COP1: variants seen among roughly 807,000 people sequenced by gnomAD.
COP1 encodes COP1 E3 ubiquitin ligase, also known as E3 ubiquitin-protein ligase COP1.
A neutral mutation model predicts 101.3 loss-of-function variants in COP1; 24 were observed. The ratio of observed to expected loss-of-function variants is 0.24; its 90% CI spans 0.17 to 0.33. COP1 has a LOEUF of 0.33. COP1 is among the 10% of genes least tolerant of loss of function. The probability of loss-of-function intolerance (pLI) is 1.00; values close to 1 mark genes in which losing one functional copy is unlikely to be tolerated. For synonymous variants in COP1, 347 were observed against 341.9 expected, an observed-to-expected ratio of 1.01 and a Z score of -0.17; for missense variants, 663 against 906.2, an observed-to-expected ratio of 0.73 and a Z score of 3.45.
intron 11 of COP1, among the ~76,000 whole-genome samples, chr1:176,051,188 T>A (rs1310149943): frequency 2.0e-5 from 3 of 152,150 alleles, no homozygotes; most frequent in Non-Finnish European, 4.4e-5. Flanking sequence ...TTATTGGGGC[T>A]CATTCGAAGA....
intron 8 of COP1, among the ~76,000 whole-genome samples, chr1:176,117,199 G>A (rs544540502): frequency 6.6e-6 from 1 of 152,052 alleles, no homozygotes; most frequent in Non-Finnish European, 1.5e-5. Context: ...GTCCCTCCCA[G>A]CTTCAAAATA....
At chr1:175,953,649 C>G (rs1031642205) in intron 18 of COP1, among the ~76,000 whole-genome samples, 2 of 151,356 alleles carry the variant, frequency 1.3e-5, no homozygotes, top group East Asian at 3.9e-4. Flanking sequence ...ATACACCACG[C>G]AAACATTAAT....
intron 19 of COP1, among the ~76,000 whole-genome samples, chr1:175,945,764 T>C (rs984473191): frequency 2.0e-5 from 3 of 152,238 alleles, no homozygotes; most frequent in Non-Finnish European, 2.9e-5. Context: ...AGGATAGTTA[T>C]GAGACACTGT....
At position 176,196,949 on chromosome 1, in the gene COP1, G is replaced by T. The variant is rs149955968; in HGVS notation, c.407+9623C>A. 9.5e-4 allele frequency among the ~76,000 whole-genome samples: 144 copies of T among 151,510 alleles called. 1 individual carries two copies. Among genetic ancestry groups the T allele is most frequent in the African/African-American group, 3.4e-3 (142 of 41,298 alleles). ...AAAGAGTGAAACCAGCAGGAGGGAG[G>T]GAGGGAGGGAAAGAAAAAGTGAAAC... is the stretch of plus-strand genomic sequence containing the variant. On this transcript the variant is annotated intron_variant, in intron 1 of 19. Transcript: ENST00000367669.
Position 176,176,016 on chromosome 1 carries a change from AGGGGGGG to A in COP1, c.468-16_468-10del. On this transcript the variant is annotated splice_polypyrimidine_tract_variant and intron_variant, in intron 2 of 19. Transcript: ENST00000367669. ...GATGAATACACTTGTAGCTATTAGTAGGGGGGGAAAAAAAAGGCTTAATTAAATCAAT... is the reference window on the plus strand; with the variant it reads ...GATGAATACACTTGTAGCTATTAGTAAAAAAAAAGGCTTAATTAAATCAAT... The A allele has an allele frequency of 1.5e-6, 2 of 1,354,192 alleles. No individual in the cohort carries two copies. The highest frequency in any genetic ancestry group is 1.9e-5 in the Admixed American group (1 of 52,324). 83.9% of individuals were successfully genotyped at this position (1,354,192 alleles called of 1,614,324 possible).
chr1:176,143,859 T>A (rs1440088017), intron 6 of COP1, among the ~76,000 whole-genome samples: 1 of 152,162 alleles, frequency 6.6e-6, no homozygotes, highest in Admixed American at 6.5e-5. Flanking sequence ...GGAAAAATCA[T>A]ATGGTTGCAT....
chr1:176,179,577 T>G lies in COP1; in HGVS notation c.468-3570A>C, dbSNP rs916829172. Among the ~76,000 whole-genome samples the G allele has an allele frequency of 7.9e-5, 12 of 151,704 alleles. No individual in the cohort carries two copies. In the East Asian group the frequency reaches 2.0e-3, roughly 25 times the overall value. ...GGTGAAACCCCAACTCTAAAAAAAT[T>G]TTAAAAATTAGCCATGCATGGTGGC... On this transcript the variant is annotated intron_variant, in intron 2 of 19. Coordinates refer to ENST00000367669, the MANE Select transcript of COP1 (RefSeq NM_022457.7).
At chr1:175,993,532 T>C (rs367978902) in intron 15 of COP1, among the ~76,000 whole-genome samples, 2 of 151,840 alleles carry the variant, frequency 1.3e-5, no homozygotes, top group South Asian at 4.2e-4. Flanking sequence ...GAATAACCAA[T>C]ACAGAGAAGT....
intron 8 of COP1, among the ~76,000 whole-genome samples, chr1:176,129,769 T>C (rs545488172): frequency 1.3e-5 from 2 of 151,046 alleles, no homozygotes; most frequent in Non-Finnish European, 3.0e-5. Flanking sequence ...ATAAAGCAAT[T>C]ATGAGATAAC....
chr1:176,193,868 T>C (rs985934827), intron 1 of COP1, among the ~76,000 whole-genome samples: 1 of 152,094 alleles, frequency 6.6e-6, no homozygotes. Flanking sequence ...AAATAGACAG[T>C]GGTGATGGTT....
At chr1:176,152,042 G>C (rs1558213988) in intron 5 of COP1, among the ~76,000 whole-genome samples, 2 of 151,162 alleles carry the variant, frequency 1.3e-5, no homozygotes, top group Admixed American at 6.6e-5. Flanking sequence ...CAAAATCCTA[G>C]CACTGCGGGA....
chr1:176,165,381 T>TGG (rs1410497895), intron 3 of COP1, among the ~76,000 whole-genome samples: 1 of 147,994 alleles, frequency 6.8e-6, no homozygotes, highest in Non-Finnish European at 1.5e-5. Flanking sequence ...TGTGTGTGTG[T>TGG]GTGTGTGTGT....
chr1:176,102,491 G>T (rs976456363), intron 9 of COP1, among the ~76,000 whole-genome samples: 1 of 152,198 alleles, frequency 6.6e-6, no homozygotes, highest in African/African-American at 2.4e-5. Flanking sequence ...CAGTGAAAGA[G>T]ATCTGACCTA....
intron 15 of COP1, among the ~76,000 whole-genome samples, chr1:176,009,114 A>G (rs940930532): frequency 2.6e-5 from 4 of 152,210 alleles, no homozygotes; most frequent in Non-Finnish European, 5.9e-5. Context: ...TACACGTCAG[A>G]GCTTCTTGAC....
At chr1:176,132,469 T>A (rs61821028) in intron 8 of COP1, among the ~76,000 whole-genome samples, 10 of 151,196 alleles carry the variant, frequency 6.6e-5, no homozygotes, top group Admixed American at 2.6e-4. Context: ...TATGTGATCA[T>A]AGAGTATACT....
chr1:176,044,749 C>T (rs1671212035), intron 12 of COP1, among the ~76,000 whole-genome samples: 1 of 152,162 alleles, frequency 6.6e-6, no homozygotes, highest in Non-Finnish European at 1.5e-5. Context: ...TTTTAGGCAT[C>T]CTTAGGTATT....
At chr1:176,178,337 A>AC (rs1429370739) in intron 2 of COP1, among the ~76,000 whole-genome samples, 2 of 121,888 alleles carry the variant, frequency 1.6e-5, no homozygotes, top group African/African-American at 5.8e-5. Context: ...CTCTGTCTCT[A>AC]CAAAAAAAAA....
Position 175,965,414 on chromosome 1 carries a change from G to A in COP1, c.2134-18175C>T, listed in dbSNP as rs745330122. ...ATTCAATTGTCCAATTTCATCACTC[G>A]TGCTGACATTTTGTTACTTCATCCT... is the stretch of plus-strand genomic sequence containing the variant. On this transcript the variant is annotated intron_variant, in intron 18 of 19. Transcript: ENST00000367669. Among the ~76,000 whole-genome samples, 3 of 152,028 alleles carry A rather than the reference G, an allele frequency of 2.0e-5. No homozygotes were observed. The South Asian group carries it at 6.2e-4, about 32-fold the overall frequency.
chr1:176,043,762 C>T lies in COP1; in HGVS notation c.1478G>A (p.Gly493Asp). 1 of 1,612,184 alleles carries T rather than the reference C, an allele frequency of 6.2e-7. No individual in the cohort carries two copies. Among genetic ancestry groups the T allele is most frequent in the Non-Finnish European group, 8.5e-7 (1 of 1,178,402 alleles). Reference protein sequence around the residue: ...KNLLASSDYEGTVILWDGFTG... With the variant: ...KNLLASSDYEDTVILWDGFTG... ...GAATCCATCCCATAAAATAACAGTGCCTTCATAATCACTGCTAGCTAACAG... is the reference window on the plus strand; with the variant it reads ...GAATCCATCCCATAAAATAACAGTGTCTTCATAATCACTGCTAGCTAACAG... Residue 493 changes from glycine (G) to aspartate (D), a missense_variant, in exon 13 of 20, where the codon GGC (glycine) becomes GAC (aspartate). Around this residue, in one of 4 missense-constraint regions of COP1, gnomAD observed 209 missense variants for 383.3 expected, o/e 0.55. Transcript: ENST00000367669.
Sources: allele counts gnomAD v4.1 joint callset (sites outside exome capture counted in the v4.1 genomes callset), GRCh38; gene constraint gnomAD v4.1.1; regional missense constraint gnomAD v4.1.1; transcripts MANE v1.5; gene names NCBI Gene and HGNC (gene_info 2026-07-23, HGNC 2026-07-21).